REST: variants seen among roughly 807,000 people sequenced by gnomAD.
The protein encoded by REST is RE1-silencing transcription factor.
REST carries 1 observed loss-of-function variant against 30.4 expected under a neutral mutation model. That is an observed-to-expected ratio of 0.03 (90% CI 0.01 to 0.16). The LOEUF is 0.16. Ranked by LOEUF, REST falls within the 10% of genes least tolerant of loss-of-function variation. The probability of loss-of-function intolerance (pLI) is 1.00; values close to 1 mark genes in which losing one functional copy is unlikely to be tolerated. For synonymous variants in REST, 504 were observed against 451.1 expected (o/e 1.12, Z -1.49); for missense variants, 1,259 against 1,329.5 (o/e 0.95, Z 0.82).
rs1721029210 is a variant in REST, at chr4:56,933,056, C to CT, written c.*906dup. ...AATCTATTGATTTTGATTTTTACATCTTATATCTATGCCAGAATCTGTATT... is the reference window on the plus strand; with the variant it reads ...AATCTATTGATTTTGATTTTTACATCTTTATATCTATGCCAGAATCTGTATT... On this transcript the variant is annotated 3_prime_UTR_variant, in exon 4 of 4. Transcript: ENST00000309042. The CT allele has an allele frequency of 1.3e-5, 2 of 152,032 alleles. No individual in the cohort carries two copies. Among genetic ancestry groups the CT allele is most frequent in the South Asian group, 4.1e-4 (2 of 4,828 alleles). The allele number at this position is 152,032 out of a possible 1,614,324, so 9.4% of individuals were successfully genotyped here. A position where few individuals can be genotyped will look rare whatever the true frequency, so the allele number is the denominator to read the frequency against.
In REST at chr4:56,919,883, T is replaced by C; in HGVS notation, c.982+13T>C. On this transcript the variant is annotated intron_variant, in intron 3 of 3. Coordinates refer to ENST00000309042, the MANE Select transcript of REST (RefSeq NM_005612.5). ...CGTACTCATTCAGGTTGGTAAGAAA[T>C]TGGAACTTTTCTATCATTTTCAGTA... The C allele has an allele frequency of 2.1e-6, 3 of 1,462,680 alleles. No individual in the cohort carries two copies. Among genetic ancestry groups the C allele is most frequent in the Non-Finnish European group, 2.8e-6 (3 of 1,063,096 alleles). The allele number at this position is 1,462,680 out of a possible 1,614,324, so 90.6% of individuals were successfully genotyped here. A position where few individuals can be genotyped will look rare whatever the true frequency, so the allele number is the denominator to read the frequency against.
chr4:56,926,074 G>A (rs186760481), intron 3 of REST, among the ~76,000 whole-genome samples: 50 of 152,208 alleles, frequency 3.3e-4, no homozygotes, highest in African/African-American at 1.1e-3. Flanking sequence ...TTGATCGATT[G>A]ATTGAGATGG....
chr4:56,910,945 C>A lies in REST; in HGVS notation c.307C>A (p.Pro103Thr), dbSNP rs1356441917. Residue 103 changes from proline (P) to threonine (T), a missense_variant, in exon 2 of 4, where the codon CCT (proline) becomes ACT (threonine). Physicochemically the swap from Pro to Thr is conservative, Grantham distance 38. Coordinates refer to ENST00000309042, the MANE Select transcript of REST (RefSeq NM_005612.5). Reference protein sequence around the residue: ...LEESADIKGEPHGLENMELRS... With the variant: ...LEESADIKGETHGLENMELRS... Reference sequence around the variant, plus strand: ...AGAGTCTGCTGATATAAAAGGTGAACCTCATGGACTGGAAAACATGGAACT... The same window carrying A: ...AGAGTCTGCTGATATAAAAGGTGAAACTCATGGACTGGAAAACATGGAACT... 1 of 1,614,094 alleles carries A rather than the reference C, an allele frequency of 6.2e-7. No individual in the cohort carries two copies. Among genetic ancestry groups the A allele is most frequent in the Admixed American group, 1.7e-5 (1 of 60,010 alleles).
chr4:56,924,546 C>T (rs1308735396), intron 3 of REST, among the ~76,000 whole-genome samples: 1 of 151,968 alleles, frequency 6.6e-6, no homozygotes, highest in Admixed American at 6.6e-5. Context: ...CTGTCTAAAC[C>T]TCTTGGGCTC....
intron 1 of REST, among the ~76,000 whole-genome samples, chr4:56,908,656 C>T (rs1719737115): frequency 6.6e-6 from 1 of 152,122 alleles, no homozygotes; most frequent in Admixed American, 6.5e-5. Context: ...CCCAGGGCCT[C>T]TCCCTGTCGC....
Position 56,931,836 on chromosome 4 carries a change from C to T in REST, c.2978C>T (p.Pro993Leu), listed in dbSNP as rs748731008. The change falls in exon 4 of 4, where the codon CCT becomes CTT. Residue 993 changes from proline to leucine, a missense_variant. Pro to Leu is a moderately conservative substitution (Grantham distance 98). Coordinates refer to ENST00000309042, the MANE Select transcript of REST (RefSeq NM_005612.5). ...EAVSKTALAS[P>L]PATMAANESQ... ...GTGTCCAAAACTGCACTGGCATCAC[C>T]TCCTGCTACAATGGCAGCAAATGAG... 6.2e-7 allele frequency: 1 copy of T among 1,614,196 alleles called. No homozygotes were observed. Among genetic ancestry groups the T allele is most frequent in the Non-Finnish European group, 8.5e-7 (1 of 1,180,030 alleles).
rs2109573430 is a variant in REST, at chr4:56,930,228, T to C, written c.1370T>C (p.Val457Ala). ...EIEQTKIKGD[V>A]AGKKNEKSVK... ...GAACAAACAAAAATAAAAGGGGATG[T>C]GGCTGGAAAGAAAAATGAAAAGTCC... is the stretch of plus-strand genomic sequence containing the variant. The change falls in exon 4 of 4, where the codon GTG becomes GCG. Residue 457 changes from valine to alanine, a missense_variant. Coordinates refer to ENST00000309042, the MANE Select transcript of REST (RefSeq NM_005612.5). 1.2e-6 allele frequency: 2 copies of C among 1,607,168 alleles called. No homozygotes were observed. Among genetic ancestry groups the C allele is most frequent in the Non-Finnish European group, 1.7e-6 (2 of 1,178,578 alleles).
intron 1 of REST, chr4:56,909,451 G>C (rs1417296212): frequency 1.3e-5 from 2 of 152,272 alleles, no homozygotes; most frequent in African/African-American, 4.8e-5. Context: ...AATTCCATTT[G>C]GGGTGGCAGT....
intron 2 of REST, among the ~76,000 whole-genome samples, chr4:56,918,554 T>A (rs1720308347): frequency 6.6e-6 from 1 of 152,082 alleles, no homozygotes; most frequent in Non-Finnish European, 1.5e-5. Context: ...TAGCTTAATG[T>A]TTTTTATTTA....
intron 2 of REST, among the ~76,000 whole-genome samples, chr4:56,918,919 T>C (rs1384299861): frequency 6.6e-6 from 1 of 151,854 alleles, no homozygotes; most frequent in Non-Finnish European, 1.5e-5. Context: ...GATTGGCCTG[T>C]CTTGGCCTCC....
chr4:56,924,801 C>T (rs1196423300), intron 3 of REST, among the ~76,000 whole-genome samples: 4 of 152,080 alleles, frequency 2.6e-5, no homozygotes, highest in Non-Finnish European at 5.9e-5. Context: ...GAGATTTATC[C>T]ATGTTGCGTT....
intron 2 of REST, among the ~76,000 whole-genome samples, chr4:56,919,199 C>T (rs1720338824): frequency 6.6e-6 from 1 of 151,964 alleles, no homozygotes; most frequent in Non-Finnish European, 1.5e-5. Flanking sequence ...GCCACCGTGC[C>T]CAGCCCCAGG....
chr4:56,914,552 G>GAC (rs1720089529), intron 2 of REST, among the ~76,000 whole-genome samples: 1 of 152,190 alleles, frequency 6.6e-6, no homozygotes, highest in African/African-American at 2.4e-5. Context: ...GTTACTTGGG[G>GAC]ACACAACCCC....
chr4:56,930,616 T>C lies in REST; in HGVS notation c.1758T>C (p.Asn586=), dbSNP rs546657732. The C allele has an allele frequency of 1.1e-5, 18 of 1,612,416 alleles. No individual in the cohort carries two copies. The highest frequency in any genetic ancestry group is 1.5e-5 in the Non-Finnish European group (18 of 1,179,814). ...GTACAAAGAAGAAAACTCTGAAAAA[T>C]AAATCAAGTAAGAAAAGCAGTAAGC... ...KKSTKKKTLK[N]KSSKKSSKPP... is the part of the protein sequence containing the mutation. Residue 586 remains asparagine, a synonymous_variant, in exon 4 of 4, where the codon AAT becomes AAC. Coordinates refer to ENST00000309042, the MANE Select transcript of REST (RefSeq NM_005612.5).
chr4:56,928,887 G>T (rs1266822071), intron 3 of REST, among the ~76,000 whole-genome samples: 7 of 151,352 alleles, frequency 4.6e-5, no homozygotes, highest in Non-Finnish European at 2.9e-5. Context: ...ACCGCACCTG[G>T]CTGGGAATTT....
chr4:56,914,023 C>T (rs1229851009), intron 2 of REST, among the ~76,000 whole-genome samples: 4 of 151,874 alleles, frequency 2.6e-5, no homozygotes, highest in African/African-American at 9.7e-5. Context: ...GCAGCCTTGA[C>T]CTCCTGGACT....
chr4:56,930,973 C>T lies in REST; in HGVS notation c.2115C>T (p.Pro705=). Residue 705 remains proline (P), a synonymous_variant, in exon 4 of 4, where the codon CCC becomes CCT. Transcript: ENST00000309042. The stretch of plus-strand genomic sequence containing the variant: ...AGGTTGCCCAAATGGGGCCTGCTCC[C>T]ATGGAACCTGCTCAGATGGAGGTTG... ...QTEVAQMGPA[P]MEPAQMEVAQ... 1.2e-6 allele frequency: 2 copies of T among 1,614,132 alleles called. No homozygotes were observed. Among genetic ancestry groups the T allele is most frequent in the Non-Finnish European group, 1.7e-6 (2 of 1,180,002 alleles).
chr4:56,931,899 A>G lies in REST; in HGVS notation c.3041A>G (p.His1014Arg), dbSNP rs1428868605. 6.2e-7 allele frequency: 1 copy of G among 1,614,268 alleles called. No homozygotes were observed. The highest frequency in any genetic ancestry group is 1.1e-5 in the South Asian group (1 of 91,086). Residue 1014 changes from histidine to arginine, a missense_variant, in exon 4 of 4, where the codon CAT becomes CGT. His to Arg is a conservative substitution (Grantham distance 29). Transcript: ENST00000309042. Reference protein sequence around the residue: ...EIDEDEGIHSHEGSDLSDNMS... With the variant: ...EIDEDEGIHSREGSDLSDNMS... ...GATGAAGATGAAGGCATCCACAGCCATGAAGGAAGTGACCTAAGTGACAAC... is the reference window on the plus strand; with the variant it reads ...GATGAAGATGAAGGCATCCACAGCCGTGAAGGAAGTGACCTAAGTGACAAC...
rs1490963385 is a variant in REST at position 56,930,652 on chromosome 4, G to A, written c.1794G>A (p.Lys598=). The change falls in exon 4 of 4, where the codon AAG becomes AAA. Residue 598 remains lysine, a synonymous_variant. Transcript: ENST00000309042. ...SSKKSSKPPQ[K]EPVEKGSAQM... is the part of the protein sequence containing the mutation. The stretch of plus-strand genomic sequence containing the variant: ...AGAAAAGCAGTAAGCCTCCTCAGAA[G>A]GAACCTGTTGAGAAGGGATCTGCTC... 1 of 1,613,730 alleles carries A rather than the reference G, an allele frequency of 6.2e-7. No homozygotes were observed. Among genetic ancestry groups the A allele is most frequent in the South Asian group, 1.1e-5 (1 of 91,076 alleles).
Sources: gnomAD v4.1 joint callset for allele counts (sites outside exome capture counted in the v4.1 genomes callset) on GRCh38, gnomAD v4.1.1 for gene constraint, MANE v1.5 for transcripts, NCBI Gene and HGNC (gene_info 2026-07-23, HGNC 2026-07-21) for gene names.